GRIK2: variants seen among roughly 807,000 people sequenced by gnomAD.
The protein encoded by GRIK2 is glutamate receptor ionotropic, kainate 2.
A neutral mutation model predicts 100.3 loss-of-function variants in GRIK2; 32 were observed. That is an observed-to-expected ratio of 0.32 (90% CI 0.24 to 0.43). GRIK2 has a LOEUF of 0.43. Among genes scored for constraint, GRIK2 ranks in the 20% least tolerant of loss-of-function variants. GRIK2 has a pLI of 1.00. For missense variants in GRIK2, 843 were observed against 1,114.9 expected (o/e 0.76, Z 3.47); for synonymous variants, 417 against 389.4 (o/e 1.07, Z -0.83).
intron 14 of GRIK2, among the ~76,000 whole-genome samples, chr6:101,984,137 T>A (rs1793879436): frequency 6.6e-6 from 1 of 151,702 alleles, no homozygotes; most frequent in Admixed American, 6.6e-5. Flanking sequence ...ATGGATAAAA[T>A]AATTAAAAAT....
At chr6:101,677,238 T>A (rs1415933372) in intron 5 of GRIK2, among the ~76,000 whole-genome samples, 1 of 152,114 alleles carries the variant, frequency 6.6e-6, no homozygotes, top group African/African-American at 2.4e-5. Context: ...TATTTCATCA[T>A]CACTACAACA....
chr6:101,884,596 A>C (rs1051550404), intron 11 of GRIK2, among the ~76,000 whole-genome samples: 1 of 152,148 alleles, frequency 6.6e-6, no homozygotes, highest in East Asian at 1.9e-4. Flanking sequence ...TTGCTTTATA[A>C]GATATAATCA....
intron 7 of GRIK2, among the ~76,000 whole-genome samples, chr6:101,753,097 A>G (rs956276224): frequency 1.3e-5 from 2 of 152,062 alleles, no homozygotes; most frequent in African/African-American, 4.8e-5. Flanking sequence ...AATCGAGACC[A>G]CGGTGAAACC....
intron 7 of GRIK2, among the ~76,000 whole-genome samples, chr6:101,792,638 A>G (rs1437579320): frequency 2.0e-5 from 3 of 152,084 alleles, no homozygotes; most frequent in South Asian, 2.1e-4. Context: ...GCTGCCGTTA[A>G]CATTTTTTCC....
intron 7 of GRIK2, among the ~76,000 whole-genome samples, chr6:101,696,360 GTAGA>G (rs1181425788): frequency 6.6e-6 from 1 of 151,650 alleles, no homozygotes; most frequent in Non-Finnish European, 1.5e-5. Flanking sequence ...ATATACCTCA[GTAGA>G]TATTTCCATT....
intron 14 of GRIK2, among the ~76,000 whole-genome samples, chr6:101,994,570 G>C (rs1022705637): frequency 2.0e-5 from 3 of 151,694 alleles, no homozygotes; most frequent in African/African-American, 7.3e-5. Context: ...ATTAGACACA[G>C]CAAGAGTTAG....
chr6:101,415,289 T>C (rs1277056682), intron 2 of GRIK2, among the ~76,000 whole-genome samples: 5 of 151,894 alleles, frequency 3.3e-5, no homozygotes, highest in Non-Finnish European at 5.9e-5. Context: ...TTGATCTTAC[T>C]GTATATGTTT....
intron 2 of GRIK2, among the ~76,000 whole-genome samples, chr6:101,457,762 G>A (rs1330642589): frequency 5.3e-5 from 8 of 152,026 alleles, no homozygotes; most frequent in Admixed American, 3.9e-4. Context: ...TTTCAAACAA[G>A]GTTGACCTGG....
At chr6:102,006,642 A>AT (rs1225698584) in intron 14 of GRIK2, among the ~76,000 whole-genome samples, 20 of 151,944 alleles carry the variant, frequency 1.3e-4, no homozygotes, top group Non-Finnish European at 2.4e-4. Context: ...TGCTGAGATT[A>AT]TAGGTGTGAG....
intron 14 of GRIK2, among the ~76,000 whole-genome samples, chr6:101,930,719 TTG>T (rs1582559339): frequency 6.6e-6 from 1 of 152,204 alleles, no homozygotes; most frequent in Admixed American, 6.5e-5. Context: ...TCTTAATTCT[TTG>T]TCTTTTCATT....
At chr6:101,619,009 G>A (rs1207890143) in intron 2 of GRIK2, among the ~76,000 whole-genome samples, 1 of 147,840 alleles carries the variant, frequency 6.8e-6, no homozygotes, top group Admixed American at 6.9e-5. Flanking sequence ...CTAGTATGGT[G>A]AATCTACTTT....
rs1781483150 is a variant in GRIK2 at position 101,645,454 on chromosome 6, C to A, written c.541+18817C>A. Among the ~76,000 whole-genome samples the A allele has an allele frequency of 4.6e-5, 7 of 151,666 alleles. No individual in the cohort carries two copies. The South Asian group carries it at 1.5e-3, about 31-fold the overall frequency. On this transcript the variant is annotated intron_variant, in intron 4 of 16. Transcript: ENST00000369134. ...AGGTTGTTTTGAATCTCATATGAGA[C>A]AAGGTATATAAAATAAGTGGCACAT...
chr6:101,413,214 T>A (rs944720569), intron 2 of GRIK2, among the ~76,000 whole-genome samples: 2 of 152,042 alleles, frequency 1.3e-5, no homozygotes, highest in African/African-American at 4.8e-5. Context: ...CAAACCCCTA[T>A]TTAAACCCCT....
At chr6:102,052,331 T>A (rs1300043830) in intron 15 of GRIK2, among the ~76,000 whole-genome samples, 2 of 152,248 alleles carry the variant, frequency 1.3e-5, no homozygotes, top group Non-Finnish European at 2.9e-5. Flanking sequence ...TTATTTCATC[T>A]TGTTTAAAAC....
At chr6:101,865,449 A>C (rs1278040494) in intron 11 of GRIK2, among the ~76,000 whole-genome samples, 2 of 152,232 alleles carry the variant, frequency 1.3e-5, no homozygotes, top group African/African-American at 4.8e-5. Flanking sequence ...AAAAGGCTCC[A>C]GGTATTATCA....
At chr6:101,863,073 TAAATCTC>T (rs66464471) in intron 11 of GRIK2, among the ~76,000 whole-genome samples, 12,813 of 152,108 alleles carry the variant, frequency 0.084, 1,236 homozygotes, top group East Asian at 0.52. Context: ...AGGTTGAAAA[TAAATCTC>T]AGATCTGTCC....
At chr6:101,813,766 C>A (rs575236835) in intron 9 of GRIK2, among the ~76,000 whole-genome samples, 36 of 152,094 alleles carry the variant, frequency 2.4e-4, no homozygotes, top group African/African-American at 8.4e-4. Context: ...GAGTTCAAGA[C>A]CAGCCTGGCC....
chr6:101,410,913 G>A (rs1775859624), intron 2 of GRIK2, among the ~76,000 whole-genome samples: 2 of 151,996 alleles, frequency 1.3e-5, no homozygotes, highest in South Asian at 2.1e-4. Flanking sequence ...AGATTTTTAC[G>A]TTTATCTGAA....
At chr6:101,552,363 G>A (rs1345774090) in intron 2 of GRIK2, among the ~76,000 whole-genome samples, 1 of 152,104 alleles carries the variant, frequency 6.6e-6, no homozygotes, top group Non-Finnish European at 1.5e-5. Flanking sequence ...TAACCCAAAG[G>A]ATCTCTGTTC....
Sources: gnomAD v4.1 joint callset for allele counts (sites outside exome capture counted in the v4.1 genomes callset) on GRCh38, gnomAD v4.1.1 for gene constraint, MANE v1.5 for transcripts, NCBI Gene and HGNC (gene_info 2026-07-23, HGNC 2026-07-21) for gene names.